SRSF6: variants seen among roughly 807,000 people sequenced by gnomAD.
SRSF6 encodes serine and arginine rich splicing factor 6.
A neutral mutation model predicts 42.0 loss-of-function variants in SRSF6; 17 were observed. That is an observed-to-expected ratio of 0.40 (90% CI 0.28 to 0.61). SRSF6 has a LOEUF of 0.61. Ranked by LOEUF, SRSF6 falls within the 20% of genes least tolerant of loss-of-function variation. The probability of loss-of-function intolerance (pLI) is 0.37; values close to 1 mark genes in which losing one functional copy is unlikely to be tolerated. For missense variants in SRSF6, 379 were observed against 471.4 expected (o/e 0.80, Z 1.81); for synonymous variants, 204 against 166.7 (o/e 1.22, Z -1.72).
intron 2 of SRSF6, chr20:43,459,230 T>A (rs1431661618): frequency 7.4e-7 from 1 of 1,352,026 alleles, no homozygotes; most frequent in Non-Finnish European, 9.8e-7. Context: ...TTTCCATACA[T>A]TGTGTGACCC....
In SRSF6 at chr20:43,461,152, G is replaced by C. The variant is rs779993357; in HGVS notation, c.*89G>C. On this transcript the variant is annotated 3_prime_UTR_variant, in exon 6 of 6. Transcript: ENST00000244020. The stretch of plus-strand genomic sequence containing the variant: ...TGTTTATACTTGGCCTCTTCTGCAA[G>C]AGGAATCTCTTGAAAACAGGGGCAC... 1.5e-5 allele frequency: 22 copies of C among 1,449,724 alleles called. No individual in the cohort carries two copies. The highest frequency in any genetic ancestry group is 1.9e-5 in the Non-Finnish European group (21 of 1,103,908). The allele number at this position is 1,449,724 out of a possible 1,614,324, so 89.8% of individuals were successfully genotyped here.
Position 43,462,192 on chromosome 20 carries a change from A to T in SRSF6, c.*1129A>T, listed in dbSNP as rs1004592457. The stretch of plus-strand genomic sequence containing the variant: ...TTTAATGCTTTGTGTAATTGGTTTG[A>T]AAAACAGTGAAATGGGTAAACGCAA... On this transcript the variant is annotated 3_prime_UTR_variant, in exon 6 of 6. Coordinates refer to ENST00000244020, the MANE Select transcript of SRSF6 (RefSeq NM_006275.6). The T allele has an allele frequency of 7.9e-5, 12 of 152,326 alleles. No homozygotes were observed. Among genetic ancestry groups the T allele is most frequent in the African/African-American group, 2.6e-4 (11 of 41,568 alleles). 9.4% of individuals were successfully genotyped at this position (152,326 alleles called of 1,614,324 possible).
At chr20:43,460,646 A>G (rs1325375144) in intron 5 of SRSF6, 48 bp downstream of exon 5, 1 of 1,613,394 alleles carries the variant, frequency 6.2e-7, no homozygotes, top group Non-Finnish European at 8.5e-7. Context: ...GTACTTGTTT[A>G]TGGAGTATGT....
In SRSF6 at chr20:43,461,121, C is replaced by T. The variant is rs981770698; in HGVS notation, c.*58C>T. 6.7e-7 allele frequency: 1 copy of T among 1,500,052 alleles called. No homozygotes were observed. Among genetic ancestry groups the T allele is most frequent in the Non-Finnish European group, 8.9e-7 (1 of 1,126,474 alleles). 92.9% of individuals were successfully genotyped at this position (1,500,052 alleles called of 1,614,324 possible). ...ACACTTTCCTACTTAGGCAGTTACTCTTCCATGTTTATACTTGGCCTCTTC... is the reference window on the plus strand; with the variant it reads ...ACACTTTCCTACTTAGGCAGTTACTTTTCCATGTTTATACTTGGCCTCTTC... On this transcript the variant is annotated 3_prime_UTR_variant, in exon 6 of 6. Coordinates refer to ENST00000244020, the MANE Select transcript of SRSF6 (RefSeq NM_006275.6).
At chr20:43,460,413 G>A (rs185343786) in intron 4 of SRSF6, 102 bp from the exon 5 acceptor site, 454 of 1,406,884 alleles carry the variant, frequency 3.2e-4, no homozygotes, top group Non-Finnish European at 3.6e-4. Flanking sequence ...TAATTTCGTA[G>A]TAAAGAAAAA....
At chr20:43,458,292 G>A (rs1380161303) in intron 1 of SRSF6, 69 bp from the exon 2 acceptor site, 11 of 1,421,094 alleles carry the variant, frequency 7.7e-6, no homozygotes, top group African/African-American at 4.6e-5. Flanking sequence ...GGTGGGGTAC[G>A]GGCGCGCGCA....
At position 43,461,337 on chromosome 20, in the gene SRSF6, G is replaced by GTTTGTTTTTTTTTTTTTTTTTTT. The variant is rs2017589449; in HGVS notation, c.*277_*278insGTTTTTTTTTTTTTTTTTTTTTT. The GTTTGTTTTTTTTTTTTTTTTTTT allele has an allele frequency of 2.3e-5, 1 of 43,768 alleles. No homozygotes were observed. Among genetic ancestry groups the GTTTGTTTTTTTTTTTTTTTTTTT allele is most frequent in the African/African-American group, 8.2e-5 (1 of 12,192 alleles). 2.7% of individuals were successfully genotyped at this position (43,768 alleles called of 1,614,324 possible). A position where few individuals can be genotyped will look rare whatever the true frequency, so the allele number is the denominator to read the frequency against. The stretch of plus-strand genomic sequence containing the variant: ...GTAAAGATTAAGCTCATTTAGTGTT[G>GTTTGTTTTTTTTTTTTTTTTTTT]TTTTTTTTTTTTTTTTTTTTTTTTT... On this transcript the variant is annotated 3_prime_UTR_variant, in exon 6 of 6. Transcript: ENST00000244020.
In SRSF6 at chr20:43,458,483, G is replaced by A. The variant is rs766244437; in HGVS notation, c.230G>A (p.Arg77His). The A allele has an allele frequency of 4.0e-6, 6 of 1,511,110 alleles. No homozygotes were observed. The highest frequency in any genetic ancestry group is 4.4e-6 in the Non-Finnish European group (5 of 1,135,148). 93.6% of individuals were successfully genotyped at this position (1,511,110 alleles called of 1,614,324 possible). Residue 77 changes from arginine to histidine, a missense_variant, in exon 2 of 6, where the codon CGC (arginine) becomes CAC (histidine). Arg to His is a conservative substitution (Grantham distance 29). Around this residue, in one of 3 missense-constraint regions of SRSF6, gnomAD observed 117 missense variants for 146.8 expected, o/e 0.80. Transcript: ENST00000244020. ...VEHARGPRRD[R>H]DGYSYGSRSG... ...CACGCCCGGGGCCCGCGTCGCGATC[G>A]CGACGGCTACAGCTACGGAAGCCGC...
Position 43,461,334 on chromosome 20 carries a change from G to GTTTTTTTGTTTTTT in SRSF6, c.*273_*274insTTTTTGTTTTTTTT. The GTTTTTTTGTTTTTT allele has an allele frequency of 1.8e-5, 1 of 56,470 alleles. No individual in the cohort carries two copies. Among genetic ancestry groups the GTTTTTTTGTTTTTT allele is most frequent in the African/African-American group, 7.4e-5 (1 of 13,570 alleles). 3.5% of individuals were successfully genotyped at this position (56,470 alleles called of 1,614,324 possible). ...TTTGTAAAGATTAAGCTCATTTAGT[G>GTTTTTTTGTTTTTT]TTGTTTTTTTTTTTTTTTTTTTTTT... On this transcript the variant is annotated 3_prime_UTR_variant, in exon 6 of 6. Transcript: ENST00000244020.
rs2017609524 is a variant in SRSF6, at chr20:43,462,009, GT to G, written c.*947del. 6.6e-6 allele frequency: 1 copy of G among 152,184 alleles called. No homozygotes were observed. Among genetic ancestry groups the G allele is most frequent in the African/African-American group, 2.4e-5 (1 of 41,446 alleles). The allele number at this position is 152,184 out of a possible 1,614,324, so 9.4% of individuals were successfully genotyped here. A position where few individuals can be genotyped will look rare whatever the true frequency, so the allele number is the denominator to read the frequency against. On this transcript the variant is annotated 3_prime_UTR_variant, in exon 6 of 6. Coordinates refer to ENST00000244020, the MANE Select transcript of SRSF6 (RefSeq NM_006275.6). ...TGTTCTGAAATTGAGTTTATTCAAA[GT>G]GTAAAAGCACATACTGCATTTTCTG...
At chr20:43,459,378 GTGTTT>G in intron 2 of SRSF6, 1 of 1,336,754 alleles carries the variant, frequency 7.5e-7, no homozygotes, top group Non-Finnish European at 9.9e-7. Context: ...GTTACCTTGC[GTGTTT>G]TGTGGCCAAA....
Position 43,458,519 on chromosome 20 carries a change from ACC to A in SRSF6, c.256+14_256+15del, listed in dbSNP as rs2017536337. On this transcript the variant is annotated intron_variant, in intron 2 of 5. Coordinates refer to ENST00000244020, the MANE Select transcript of SRSF6 (RefSeq NM_006275.6). ...AGCTACGGAAGCCGCAGTGAGTCCC[ACC>A]CCCGCGCGCTCCGCGCCCTTGGGGA... is the stretch of plus-strand genomic sequence containing the variant. The A allele has an allele frequency of 6.7e-7, 1 of 1,482,812 alleles. No homozygotes were observed. Among genetic ancestry groups the A allele is most frequent in the Non-Finnish European group, 8.9e-7 (1 of 1,124,594 alleles). 91.9% of individuals were successfully genotyped at this position (1,482,812 alleles called of 1,614,324 possible). A position where few individuals can be genotyped will look rare whatever the true frequency, so the allele number is the denominator to read the frequency against.
In SRSF6 at chr20:43,459,755, C is replaced by T. The variant is rs759319109; in HGVS notation, c.257-16C>T. The T allele has an allele frequency of 1.9e-6, 3 of 1,612,412 alleles. No individual in the cohort carries two copies. Among genetic ancestry groups the T allele is most frequent in the African/African-American group, 1.3e-5 (1 of 74,856 alleles). ...ATCATTACAAGGCATCTAATTGTTC[C>T]CTTCATGTGATAAAGGTGGTGGAGG... On this transcript the variant is annotated splice_polypyrimidine_tract_variant and intron_variant, in intron 2 of 5. Transcript: ENST00000244020.
At position 43,460,025 on chromosome 20, in the gene SRSF6, T is replaced by C. The variant is rs530963117; in HGVS notation, c.382-8T>C. ...AGATTTCCGAGTCTGACCAATCTTG[T>C]CTTTCAGGATTTTATGCGACAAGCA... On this transcript the variant is annotated splice_region_variant and splice_polypyrimidine_tract_variant and intron_variant, in intron 3 of 5. Coordinates refer to ENST00000244020, the MANE Select transcript of SRSF6 (RefSeq NM_006275.6). 2 of 1,614,238 alleles carry C rather than the reference T, an allele frequency of 1.2e-6. No individual in the cohort carries two copies. The highest frequency in any genetic ancestry group is 1.1e-5 in the South Asian group (1 of 91,084).
rs941566941 is a variant in SRSF6, at chr20:43,458,466, G to T, written c.213G>T (p.Arg71=). Residue 71 remains arginine, a synonymous_variant, in exon 2 of 6, where the codon CGG becomes CGT. Transcript: ENST00000244020. ...AGCGCGTGATCGTAGAGCACGCCCG[G>T]GGCCCGCGTCGCGATCGCGACGGCT... ...CGERVIVEHA[R]GPRRDRDGYS... 9 of 1,518,976 alleles carry T rather than the reference G, an allele frequency of 5.9e-6. No individual in the cohort carries two copies. The highest frequency in any genetic ancestry group is 7.0e-6 in the Non-Finnish European group (8 of 1,138,124). 94.1% of individuals were successfully genotyped at this position (1,518,976 alleles called of 1,614,324 possible).
Position 43,460,534 on chromosome 20 carries a change from T to A in SRSF6, c.610T>A (p.Ser204Thr). ...SRSRSRSRRR[S>T]RSRSRRSSRS... The stretch of plus-strand genomic sequence containing the variant: ...TAATAGGTCTCGATCTAGAAGACGG[T>A]CACGAAGTAGGAGTCGCAGGAGCAG... Residue 204 changes from serine (S) to threonine (T), a missense_variant, in exon 5 of 6, where the codon TCA (serine) becomes ACA (threonine). Physicochemically the swap from Ser to Thr is moderately conservative, Grantham distance 58. This residue lies in a region of SRSF6 where 219 missense variants were observed against 216.1 expected (regional missense o/e 1.01). Transcript: ENST00000244020. The A allele has an allele frequency of 1.9e-6, 3 of 1,614,144 alleles. No individual in the cohort carries two copies. Among genetic ancestry groups the A allele is most frequent in the Non-Finnish European group, 2.5e-6 (3 of 1,180,004 alleles).
chr20:43,459,982 T>C (rs1449080723), intron 3 of SRSF6, 51 bp from the exon 4 acceptor site: 12 of 1,608,086 alleles, frequency 7.5e-6, no homozygotes, highest in African/African-American at 1.3e-5. Flanking sequence ...GAATTTATTA[T>C]GGTATATAGA....
rs1372360299 is a variant in SRSF6 at position 43,458,521 on chromosome 20, C to T, written c.256+12C>T. 20 of 1,484,700 alleles carry T rather than the reference C, an allele frequency of 1.3e-5. No individual in the cohort carries two copies. The highest frequency in any genetic ancestry group is 1.8e-5 in the Non-Finnish European group (20 of 1,125,460). The allele number at this position is 1,484,700 out of a possible 1,614,324, so 92.0% of individuals were successfully genotyped here. A position where few individuals can be genotyped will look rare whatever the true frequency, so the allele number is the denominator to read the frequency against. On this transcript the variant is annotated intron_variant, in intron 2 of 5. Transcript: ENST00000244020. The stretch of plus-strand genomic sequence containing the variant: ...CTACGGAAGCCGCAGTGAGTCCCAC[C>T]CCCGCGCGCTCCGCGCCCTTGGGGA...
At chr20:43,459,559 A>C (rs576155715) in intron 2 of SRSF6, 1 of 1,301,782 alleles carries the variant, frequency 7.7e-7, no homozygotes, top group Non-Finnish European at 1.0e-6. Context: ...TCACTCTCTA[A>C]CAGATTGTAG....
Sources: gnomAD v4.1 joint callset for allele counts on GRCh38, gnomAD v4.1.1 for gene constraint, gnomAD v4.1.1 regional missense constraint, MANE v1.5 for transcripts, NCBI Gene and HGNC (gene_info 2026-07-23, HGNC 2026-07-21) for gene names.